Variants in ZNF541 observed in about 807,000 individuals in gnomAD.
The protein encoded by ZNF541 is zinc finger protein 541.
Under a neutral mutation model 123.5 loss-of-function variants are expected in ZNF541, and 23 were observed. The observed-to-expected ratio is 0.19, with a 90% CI of 0.13 to 0.26. The LOEUF is 0.26. ZNF541 is among the 10% of genes least tolerant of loss of function. The pLI is 1.00. For synonymous variants in ZNF541, 751 were observed against 754.5 expected (o/e 1.00, Z 0.08); for missense variants, 1,612 against 1,789.9 (o/e 0.90, Z 1.79).
At position 47,543,959 on chromosome 19, in the gene ZNF541, CT is replaced by C. The variant is rs78970456; in HGVS notation, c.2403+166del. On this transcript the variant is annotated intron_variant, in intron 5 of 16. Transcript: ENST00000391901. ...CCACCTCACCTGGCCTCATTCTGGT[CT>C]TTTTTTTTTTAGTGGGGAAAACCAC... Among the ~76,000 whole-genome samples, 195 of 146,178 alleles carry C rather than the reference CT, an allele frequency of 1.3e-3. 2 individuals carry two copies. The South Asian group carries it at 0.018, about 14-fold the overall frequency.
At chr19:47,558,000 G>A (rs1195842977) in intron 2 of ZNF541, among the ~76,000 whole-genome samples, 1 of 151,844 alleles carries the variant, frequency 6.6e-6, no homozygotes, top group East Asian at 1.9e-4. Flanking sequence ...AGGGGGAGTG[G>A]GGCAGCAGAG....
At chr19:47,573,051 G>C (rs1971531966) in intron 1 of ZNF541, among the ~76,000 whole-genome samples, 32 bp downstream of exon 1, 1 of 151,238 alleles carries the variant, frequency 6.6e-6, no homozygotes, top group Non-Finnish European at 1.5e-5. Context: ...GGAGGAAAGG[G>C]AGGGGCAGGG....
rs1481691030 is a variant in ZNF541, at chr19:47,545,040, C to T, written c.1489G>A (p.Asp497Asn). 2.7e-6 allele frequency: 4 copies of T among 1,485,286 alleles called. No individual in the cohort carries two copies. The South Asian group carries it at 5.2e-5, about 19-fold the overall frequency. The allele number at this position is 1,485,286 out of a possible 1,614,324, so 92.0% of individuals were successfully genotyped here. Residue 497 changes from aspartate to asparagine, a missense_variant, in exon 5 of 17, where the codon GAC becomes AAC. This residue lies in a region of ZNF541 where 1,080 missense variants were observed against 1,013.8 expected (regional missense o/e 1.07). Coordinates refer to ENST00000391901, the MANE Select transcript of ZNF541 (RefSeq NM_001277075.3). This position sits in a 1 kb window ranked among gnomAD's most constrained non-coding sequence, Gnocchi z 7.5. ...TTGACCTTCTTGGGGGCGCAGGGGT[C>T]ATCTTCCCCGCTGGCCGACCTGGGG... ...SDPRSASGED[D>N]PCAPKKVKVD... is the part of the protein sequence containing the mutation.
intron 9 of ZNF541, among the ~76,000 whole-genome samples, chr19:47,533,481 A>G (rs1005547510): frequency 6.6e-6 from 1 of 151,950 alleles, no homozygotes; most frequent in Non-Finnish European, 1.5e-5. Context: ...GTATATATAA[A>G]AACAGCACAC....
intron 2 of ZNF541, among the ~76,000 whole-genome samples, chr19:47,564,057 C>G (rs554150343): frequency 6.6e-6 from 1 of 152,320 alleles, no homozygotes; most frequent in South Asian, 2.1e-4. Context: ...CAAAACCCAA[C>G]AGCCAGATCT....
intron 9 of ZNF541, 101 bp downstream of exon 9, chr19:47,538,041 G>A: frequency 1.5e-6 from 2 of 1,357,494 alleles, no homozygotes; most frequent in Non-Finnish European, 2.0e-6. Context: ...GTACACCCAG[G>A]CAGGAGACAA....
chr19:47,555,881 C>A lies in ZNF541; in HGVS notation c.-25G>T. The A allele has an allele frequency of 6.5e-7, 1 of 1,529,710 alleles. No individual in the cohort carries two copies. Among genetic ancestry groups the A allele is most frequent in the Non-Finnish European group, 8.8e-7 (1 of 1,134,272 alleles). The allele number at this position is 1,529,710 out of a possible 1,614,324, so 94.8% of individuals were successfully genotyped here. ...TGGCTCTCCACTGCCAGGTCTTGGC[C>A]AAAAGCTACTCTCCAGATAAGCAAA... On this transcript the variant is annotated 5_prime_UTR_variant, in exon 3 of 17. Coordinates refer to ENST00000391901, the MANE Select transcript of ZNF541 (RefSeq NM_001277075.3).
chr19:47,545,350 G>A lies in ZNF541; in HGVS notation c.1179C>T (p.Cys393=), dbSNP rs1280050424. The A allele has an allele frequency of 6.5e-7, 1 of 1,544,936 alleles. No homozygotes were observed. Among genetic ancestry groups the A allele is most frequent in the Non-Finnish European group, 8.7e-7 (1 of 1,144,320 alleles). The change falls in exon 5 of 17, where the codon TGC becomes TGT. Residue 393 remains cysteine, a synonymous_variant. Transcript: ENST00000391901. This position sits in a 1 kb window ranked among gnomAD's most constrained non-coding sequence, Gnocchi z 7.5. ...CWPEGGSVPA[C]LPLFRGQTVP... is the part of the protein sequence containing the mutation. ...CCGTCTGGCCTCGGAAGAGAGGCAG[G>A]CAGGCAGGCACGGAGCCGCCTTCGG...
chr19:47,564,005 T>C (rs1279320832), intron 2 of ZNF541, among the ~76,000 whole-genome samples: 1 of 152,180 alleles, frequency 6.6e-6, no homozygotes, highest in East Asian at 1.9e-4. Flanking sequence ...ATTGTAGTAT[T>C]ACTTCCCTTT....
At chr19:47,537,634 T>C (rs2123039872) in intron 9 of ZNF541, among the ~76,000 whole-genome samples, 1 of 146,158 alleles carries the variant, frequency 6.8e-6, no homozygotes, top group South Asian at 2.2e-4. Flanking sequence ...TGCCAGTACT[T>C]TGGGAGGTCA....
At position 47,555,424 on chromosome 19, in the gene ZNF541, C is replaced by G. The variant is rs2123287576; in HGVS notation, c.307+126G>C. 5.2e-6 allele frequency: 4 copies of G among 765,462 alleles called. No individual in the cohort carries two copies. In the East Asian group the frequency reaches 1.2e-4, roughly 23 times the overall value. 47.4% of individuals were successfully genotyped at this position (765,462 alleles called of 1,614,324 possible). A position where few individuals can be genotyped will look rare whatever the true frequency, so the allele number is the denominator to read the frequency against. Reference sequence around the variant, plus strand: ...GATTCCCAAGTAGGAAAAAAGGTGACTGTTCCCTAAGTCACCTGTAGGAGG... The same window carrying G: ...GATTCCCAAGTAGGAAAAAAGGTGAGTGTTCCCTAAGTCACCTGTAGGAGG... On this transcript the variant is annotated intron_variant, in intron 3 of 16. Coordinates refer to ENST00000391901, the MANE Select transcript of ZNF541 (RefSeq NM_001277075.3).
rs534665034 is a variant in ZNF541, at chr19:47,544,715, G to A, written c.1814C>T (p.Ala605Val). ...GGCGTGGAGAGAGTCCACAGCAGGA[G>A]CCAGTGGTGGGGGCTGCTGCGGCCA... ...GPWPQQPPPLAPAVDSLHAGP... is the reference protein window; with the variant it reads ...GPWPQQPPPLVPAVDSLHAGP... The change falls in exon 5 of 17, where the codon GCT (alanine) becomes GTT (valine). Residue 605 changes from alanine (A) to valine (V), a missense_variant. Transcript: ENST00000391901. 2.1e-3 allele frequency: 3,145 copies of A among 1,507,978 alleles called. 16 individuals carry two copies. The highest frequency in any genetic ancestry group is 0.013 in the Middle Eastern group (73 of 5,820). The allele number at this position is 1,507,978 out of a possible 1,614,324, so 93.4% of individuals were successfully genotyped here. A position where few individuals can be genotyped will look rare whatever the true frequency, so the allele number is the denominator to read the frequency against.
At chr19:47,569,870 CCT>C (rs34972497) in intron 2 of ZNF541, among the ~76,000 whole-genome samples, 20,897 of 151,626 alleles carry the variant, frequency 0.14, 2,558 homozygotes, top group African/African-American at 0.34. Flanking sequence ...ACAGCGAAAC[CCT>C]GTCTCAAGAA....
At chr19:47,532,775 T>A in intron 10 of ZNF541, 134 bp downstream of exon 10, 1 of 625,680 alleles carries the variant, frequency 1.6e-6, no homozygotes, top group Non-Finnish European at 2.7e-6. Flanking sequence ...TTTGGAAAAA[T>A]CTACCGCTTC....
In ZNF541 at chr19:47,563,597, G is replaced by A. The variant is rs746602826; in HGVS notation, c.-98-7643C>T. On this transcript the variant is annotated intron_variant, in intron 2 of 16. Transcript: ENST00000391901. ...CTGCATCTCCCAATAATAAAAACAA[G>A]TGAATAAAAATCACATATATATTTT... 6.2e-4 allele frequency among the ~76,000 whole-genome samples: 95 copies of A among 152,124 alleles called. 1 individual carries two copies. The highest frequency in any genetic ancestry group is 7.3e-5 in the Non-Finnish European group (5 of 68,036).
Position 47,544,727 on chromosome 19 carries a change from G to T in ZNF541, c.1802C>A (p.Pro601His). ...GTCCACAGCAGGAGCCAGTGGTGGG[G>T]GCTGCTGCGGCCACGGCCCCTGCAG... ...RPLQGPWPQQ[P>H]PPLAPAVDSL... is the part of the protein sequence containing the mutation. The change falls in exon 5 of 17, where the codon CCC (proline) becomes CAC (histidine). Residue 601 changes from proline to histidine, a missense_variant. Physicochemically the swap from Pro to His is moderately conservative, Grantham distance 77. Around this residue, in one of 5 missense-constraint regions of ZNF541, gnomAD observed 1,080 missense variants for 1,013.8 expected, o/e 1.07. Coordinates refer to ENST00000391901, the MANE Select transcript of ZNF541 (RefSeq NM_001277075.3). 1 of 1,502,128 alleles carries T rather than the reference G, an allele frequency of 6.7e-7. No homozygotes were observed. The highest frequency in any genetic ancestry group is 8.9e-7 in the Non-Finnish European group (1 of 1,127,832). 93.0% of individuals were successfully genotyped at this position (1,502,128 alleles called of 1,614,324 possible). A position where few individuals can be genotyped will look rare whatever the true frequency, so the allele number is the denominator to read the frequency against.
intron 14 of ZNF541, among the ~76,000 whole-genome samples, chr19:47,527,255 T>C (rs1969341628): frequency 6.6e-6 from 1 of 152,216 alleles, no homozygotes; most frequent in South Asian, 2.1e-4. Context: ...ACTGTGGTGA[T>C]GGTTTCCCAG....
chr19:47,532,205 C>A lies in ZNF541; in HGVS notation c.3224G>T (p.Gly1075Val), dbSNP rs1482955044. ...IPELQERSLA[G>V]TDEHVASLVW... ...CAGAGAAGCTACATGCTCGTCAGTTCCAGCCAGGGATCTCTCCTGGAGTTC... is the reference window on the plus strand; with the variant it reads ...CAGAGAAGCTACATGCTCGTCAGTTACAGCCAGGGATCTCTCCTGGAGTTC... Residue 1075 changes from glycine (G) to valine (V), a missense_variant, in exon 11 of 17, where the codon GGA becomes GTA. Physicochemically the swap from Gly to Val is moderately radical, Grantham distance 109 (BLOSUM62 -3). Transcript: ENST00000391901. 6.4e-7 allele frequency: 1 copy of A among 1,551,838 alleles called. No individual in the cohort carries two copies. The highest frequency in any genetic ancestry group is 1.4e-5 in the African/African-American group (1 of 73,170).
At chr19:47,549,906 C>T (rs1970523129) in intron 3 of ZNF541, among the ~76,000 whole-genome samples, 1 of 152,166 alleles carries the variant, frequency 6.6e-6, no homozygotes, top group South Asian at 2.1e-4. Flanking sequence ...AAAGATCTAG[C>T]TGCAAGGGAG....
Sources: gnomAD v4.1 joint callset for allele counts (sites outside exome capture counted in the v4.1 genomes callset) on GRCh38, gnomAD v4.1.1 for gene constraint, gnomAD v4.1.1 regional missense constraint, Gnocchi (gnomAD v3.1) non-coding constraint, MANE v1.5 for transcripts, NCBI Gene and HGNC (gene_info 2026-07-23, HGNC 2026-07-21) for gene names.